The following SV2C variants were observed in gnomAD, a reference collection of about 807,000 sequenced individuals.
SV2C encodes synaptic vesicle glycoprotein 2C, also known as solute carrier family 22 member B3.
Under a neutral mutation model 79.7 loss-of-function variants are expected in SV2C, and 49 were observed. That is an observed-to-expected ratio of 0.61 (90% CI 0.49 to 0.78). SV2C has a LOEUF of 0.78. Among genes scored for constraint, SV2C ranks in the 30% least tolerant of loss-of-function variants. The pLI, the probability that SV2C is intolerant of heterozygous loss-of-function variation, is 0.00. For missense variants in SV2C, 833 were observed against 912.9 expected, an observed-to-expected ratio of 0.91 and a Z score of 1.13; for synonymous variants, 334 against 333.2, an observed-to-expected ratio of 1.00 and a Z score of -0.03.
intron 1 of SV2C, among the ~76,000 whole-genome samples, chr5:76,111,535 G>A (rs964729256): frequency 6.6e-6 from 1 of 152,090 alleles, no homozygotes; most frequent in Admixed American, 6.5e-5. Context: ...TGACCTATGG[G>A]TCTGTTATAA....
chr5:76,208,671 T>C (rs548570013), intron 3 of SV2C, among the ~76,000 whole-genome samples: 2 of 152,342 alleles, frequency 1.3e-5, no homozygotes, highest in South Asian at 4.1e-4. Flanking sequence ...CAAATTTGCA[T>C]GAAATGTCAA....
the SV2C span, among the ~76,000 whole-genome samples, chr5:76,021,298 T>C: frequency 1.3e-5 from 2 of 152,258 alleles, no homozygotes; most frequent in Non-Finnish European, 2.9e-5. Flanking sequence ...ATGACTTGAA[T>C]TGTTTTATTT....
At chr5:75,919,998 A>T in the SV2C span, among the ~76,000 whole-genome samples, 3 of 152,218 alleles carry the variant, frequency 2.0e-5, no homozygotes, top group Admixed American at 2.0e-4. Context: ...TCAGAGATTC[A>T]TTGCCTTTGG....
the SV2C span, among the ~76,000 whole-genome samples, chr5:75,951,131 C>T: frequency 6.6e-6 from 1 of 151,816 alleles, no homozygotes; most frequent in African/African-American, 2.4e-5. Flanking sequence ...TCCTGCTAAT[C>T]TAGATATTAA....
At chr5:75,850,451 A>G in the SV2C span, among the ~76,000 whole-genome samples, 1 of 152,214 alleles carries the variant, frequency 6.6e-6, no homozygotes, top group South Asian at 2.1e-4. Flanking sequence ...ATTTTTTTCT[A>G]ATCAACAACA....
the SV2C span, among the ~76,000 whole-genome samples, chr5:75,970,802 G>T: frequency 6.6e-6 from 1 of 152,044 alleles, no homozygotes; most frequent in African/African-American, 2.4e-5. Context: ...GAAAAAGAGG[G>T]AATCCTCCCT....
At chr5:76,113,030 T>C (rs116778111) in intron 1 of SV2C, among the ~76,000 whole-genome samples, 1,844 of 152,354 alleles carry the variant, frequency 0.012, 19 homozygotes, top group Non-Finnish European at 0.02. Context: ...TTGTTTTTAT[T>C]TTTGTTCGTT....
At chr5:75,962,898 A>C in the SV2C span, among the ~76,000 whole-genome samples, 3 of 152,314 alleles carry the variant, frequency 2.0e-5, no homozygotes, top group Admixed American at 2.0e-4. Flanking sequence ...GATGCTAAAG[A>C]AGCAATATAA....
At chr5:76,042,182 A>G in the SV2C span, among the ~76,000 whole-genome samples, 1 of 152,284 alleles carries the variant, frequency 6.6e-6, no homozygotes, top group East Asian at 1.9e-4. Flanking sequence ...CTTCTTAATA[A>G]CACCTTAAAT....
chr5:76,306,037 G>T (rs1221552700), intron 12 of SV2C, among the ~76,000 whole-genome samples: 1 of 152,076 alleles, frequency 6.6e-6, no homozygotes, highest in Non-Finnish European at 1.5e-5. Flanking sequence ...TTTTGGTGGA[G>T]CAGGGGGAAG....
At chr5:76,253,131 C>G (rs1444292247) in intron 4 of SV2C, among the ~76,000 whole-genome samples, 2 of 152,110 alleles carry the variant, frequency 1.3e-5, no homozygotes, top group Non-Finnish European at 2.9e-5. Context: ...AGAATTATAA[C>G]AGGTTGATCA....
chr5:75,947,769 A>G, the SV2C span, among the ~76,000 whole-genome samples: 1 of 151,986 alleles, frequency 6.6e-6, no homozygotes, highest in Non-Finnish European at 1.5e-5. Context: ...CCTTATTAAC[A>G]TTTCTTTGAA....
At chr5:76,066,542 C>T in the SV2C span, among the ~76,000 whole-genome samples, 1 of 151,148 alleles carries the variant, frequency 6.6e-6, no homozygotes, top group Non-Finnish European at 1.5e-5. Context: ...CAACATGGCA[C>T]ATGTATACAT....
In SV2C at chr5:76,327,758, A is replaced by G. The variant is rs915155780; in HGVS notation, c.*2211A>G. On this transcript the variant is annotated 3_prime_UTR_variant, in exon 13 of 13. Coordinates refer to ENST00000502798, the MANE Select transcript of SV2C (RefSeq NM_014979.4). ...AACTAGACTACCTTTACTTTTCAAA[A>G]TATCTCTAATGTCTGCTCTGGGGTC... 15 of 152,194 alleles carry G rather than the reference A, an allele frequency of 9.9e-5. No homozygotes were observed. The highest frequency in any genetic ancestry group is 3.1e-4 in the African/African-American group (13 of 41,432). The allele number at this position is 152,194 out of a possible 1,614,324, so 9.4% of individuals were successfully genotyped here.
intron 12 of SV2C, among the ~76,000 whole-genome samples, chr5:76,339,004 A>G (rs1179116730): frequency 6.8e-6 from 1 of 147,140 alleles, no homozygotes; most frequent in African/African-American, 2.7e-5. Flanking sequence ...CTCTTTCCAA[A>G]CTGAGGACTG....
At chr5:75,854,317 C>T in the SV2C span, among the ~76,000 whole-genome samples, 2,856 of 152,160 alleles carry the variant, frequency 0.019, 47 homozygotes, top group Middle Eastern at 0.048. Context: ...GATGAAGCTG[C>T]AAAGAACATT....
the SV2C span, among the ~76,000 whole-genome samples, chr5:75,860,225 T>C: frequency 1.2e-4 from 19 of 152,284 alleles, no homozygotes; most frequent in Admixed American, 1.1e-3. Context: ...CAAAAGTCAG[T>C]TGCAGTTCTA....
chr5:75,917,241 C>T, the SV2C span, among the ~76,000 whole-genome samples: 1 of 152,122 alleles, frequency 6.6e-6, no homozygotes, highest in Non-Finnish European at 1.5e-5. Context: ...ACCAGCCTGC[C>T]ACCAAACCTT....
intron 4 of SV2C, among the ~76,000 whole-genome samples, chr5:76,282,430 A>G (rs1747226636): frequency 6.6e-6 from 1 of 152,222 alleles, no homozygotes; most frequent in Admixed American, 6.5e-5. Flanking sequence ...CTGGGACCCC[A>G]GCTCTTTTTG....
Sources: allele counts gnomAD v4.1 joint callset (sites outside exome capture counted in the v4.1 genomes callset), GRCh38; gene constraint gnomAD v4.1.1; transcripts MANE v1.5; gene names NCBI Gene and HGNC (gene_info 2026-07-23, HGNC 2026-07-21).